Variants in NSD2 observed in about 807,000 individuals in gnomAD.
NSD2 encodes histone-lysine N-methyltransferase NSD2.
Under a neutral mutation model 139.0 loss-of-function variants are expected in NSD2, and 12 were observed. The observed-to-expected ratio is 0.09, with a 90% CI of 0.06 to 0.14. NSD2 has a LOEUF of 0.14. Among genes scored for constraint, NSD2 ranks in the 10% least tolerant of loss-of-function variants. The probability of loss-of-function intolerance (pLI) is 1.00; values close to 1 mark genes in which losing one functional copy is unlikely to be tolerated. For missense variants in NSD2, 1,155 were observed against 1,745.0 expected, an observed-to-expected ratio of 0.66 and a Z score of 6.02; for synonymous variants, 669 against 648.7, an observed-to-expected ratio of 1.03 and a Z score of -0.48.
chr4:1,957,090 A>T (rs1577541096), intron 15 of NSD2, among the ~76,000 whole-genome samples: 2 of 152,212 alleles, frequency 1.3e-5, no homozygotes, highest in South Asian at 2.1e-4. Context: ...CTGTAGAGCC[A>T]GAAACCTTTG....
At chr4:1,941,967 T>C (rs1723147358) in intron 9 of NSD2, 1 of 1,086,022 alleles carries the variant, frequency 9.2e-7, no homozygotes, top group Non-Finnish European at 1.1e-6. Context: ...TAGGTGACCA[T>C]GAGAATTGCT....
At chr4:1,904,069 TATC>T (rs1717567422) in intron 2 of NSD2, 144 bp from the exon 3 acceptor site, 1 of 870,934 alleles carries the variant, frequency 1.1e-6, no homozygotes. Flanking sequence ...ATGTTGAGGC[TATC>T]ATCTAAAACA....
chr4:1,938,244 G>A (rs1204706521), intron 7 of NSD2, among the ~76,000 whole-genome samples: 1 of 152,134 alleles, frequency 6.6e-6, no homozygotes. Flanking sequence ...TCTGAGATTG[G>A]GCAACCATGG....
At position 1,898,699 on chromosome 4, in the gene NSD2, T is replaced by C. The variant is rs1378360342; in HGVS notation, c.-29-1927T>C. On this transcript the variant is annotated intron_variant, in intron 1 of 21. Coordinates refer to ENST00000508803, the MANE Select transcript of NSD2 (RefSeq NM_001042424.3). ...AAAAACAAAAAACACACTTTTTTTT[T>C]TTTTTTTGTCCAGCAGCTGGAATCT... Among the ~76,000 whole-genome samples, 4 of 150,230 alleles carry C rather than the reference T, an allele frequency of 2.7e-5. No individual in the cohort carries two copies. In the East Asian group the frequency reaches 7.7e-4, roughly 29 times the overall value.
At chr4:1,952,612 G>A (rs111497414) in intron 11 of NSD2, 24 of 772,516 alleles carry the variant, frequency 3.1e-5, no homozygotes, top group African/African-American at 5.5e-5. Flanking sequence ...GTTGGTCACC[G>A]AACACTGAAG....
chr4:1,898,671 A>C (rs1226819830), intron 1 of NSD2, among the ~76,000 whole-genome samples: 2 of 146,482 alleles, frequency 1.4e-5, no homozygotes, highest in Non-Finnish European at 1.5e-5. Flanking sequence ...AAAAAAAAAA[A>C]CAAAAAACAA....
chr4:1,966,756 T>A (rs915493188), intron 18 of NSD2, among the ~76,000 whole-genome samples: 5 of 152,154 alleles, frequency 3.3e-5, no homozygotes, highest in African/African-American at 4.8e-5. Flanking sequence ...TTGTTTTCTA[T>A]ATAATTTAAG....
rs548406849 is a variant in NSD2, at chr4:1,974,651, C to G, written c.3373-212C>G. On this transcript the variant is annotated intron_variant, in intron 18 of 21. Coordinates refer to ENST00000508803, the MANE Select transcript of NSD2 (RefSeq NM_001042424.3). This position sits in a 1 kb window ranked among gnomAD's most constrained non-coding sequence, Gnocchi z 4.0. Reference sequence around the variant, plus strand: ...GTCCTCCCCGGCGCTCACTAAGGCTCGGTCCTCTCCACGTGGTCCTGACCT... The same window carrying G: ...GTCCTCCCCGGCGCTCACTAAGGCTGGGTCCTCTCCACGTGGTCCTGACCT... 5.3e-6 allele frequency: 4 copies of G among 759,100 alleles called. No homozygotes were observed. The highest frequency in any genetic ancestry group is 9.5e-6 in the Non-Finnish European group (4 of 423,064). The allele number at this position is 759,100 out of a possible 1,614,324, so 47.0% of individuals were successfully genotyped here.
chr4:1,938,421 T>TC, intron 7 of NSD2, 30 bp from the exon 8 acceptor site: 4 of 1,060,046 alleles, frequency 3.8e-6, no homozygotes, highest in African/African-American at 1.8e-5. Context: ...TCTTTCTTTT[T>TC]TTTTTTTTTT....
At position 1,973,453 on chromosome 4, in the gene NSD2, C is replaced by T. The variant is rs755899508; in HGVS notation, c.3373-1410C>T. On this transcript the variant is annotated intron_variant, in intron 18 of 21. Transcript: ENST00000508803. This position sits in a 1 kb window ranked among gnomAD's most constrained non-coding sequence, Gnocchi z 5.5. Reference sequence around the variant, plus strand: ...CATGCCAACGTGCACATCAGCACCGCGGCTCAGCGCGTCATGACAAAGCAT... The same window carrying T: ...CATGCCAACGTGCACATCAGCACCGTGGCTCAGCGCGTCATGACAAAGCAT... 2.0e-5 allele frequency among the ~76,000 whole-genome samples: 3 copies of T among 152,256 alleles called. No individual in the cohort carries two copies. The highest frequency in any genetic ancestry group is 2.1e-4 in the South Asian group (1 of 4,838).
In NSD2 at chr4:1,948,814, C is replaced by T. The variant is rs1378820155; in HGVS notation, c.1882-2258C>T. The T allele has an allele frequency of 9.7e-7, 1 of 1,029,992 alleles. No individual in the cohort carries two copies. Among genetic ancestry groups the T allele is most frequent in the Non-Finnish European group, 1.2e-6 (1 of 855,952 alleles). The allele number at this position is 1,029,992 out of a possible 1,614,324, so 63.8% of individuals were successfully genotyped here. ...CTGAAATAAAAGGTGCTGTTCCTTC[C>T]TCTGACCCAGGACTGCTTTGTGTTT... is the stretch of plus-strand genomic sequence containing the variant. On this transcript the variant is annotated intron_variant, in intron 9 of 21. Coordinates refer to ENST00000508803, the MANE Select transcript of NSD2 (RefSeq NM_001042424.3). This position sits in a 1 kb window ranked among gnomAD's most constrained non-coding sequence, Gnocchi z 4.5.
chr4:1,978,822 G>A lies in NSD2; in HGVS notation c.4011G>A (p.Lys1337=), dbSNP rs369307480. 2 of 1,608,572 alleles carry A rather than the reference G, an allele frequency of 1.2e-6. No homozygotes were observed. Among genetic ancestry groups the A allele is most frequent in the African/African-American group, 2.7e-5 (2 of 74,978 alleles). Residue 1337 remains lysine (K), a synonymous_variant, in exon 22 of 22, where the codon AAG becomes AAA. Coordinates refer to ENST00000508803, the MANE Select transcript of NSD2 (RefSeq NM_001042424.3). ...GGGCGGCATCGGTCAGAAGCACCAAGACTGAGAAGCCCCCCCCAGAGCCAG... is the reference window on the plus strand; with the variant it reads ...GGGCGGCATCGGTCAGAAGCACCAAAACTGAGAAGCCCCCCCCAGAGCCAG... ...DLGAASVRST[K]TEKPPPEPGK... is the part of the protein sequence containing the mutation.
In NSD2 at chr4:1,976,352, C is replaced by T; in HGVS notation, c.3622-123C>T. ...CACGAGGAGGACACTCCTCTCCTCT[C>T]CTCTTAGTGTTGGGCACCTGCAGAG... On this transcript the variant is annotated intron_variant, in intron 20 of 21. Transcript: ENST00000508803. This position sits in a 1 kb window ranked among gnomAD's most constrained non-coding sequence, Gnocchi z 5.3. The T allele has an allele frequency of 9.5e-7, 1 of 1,051,474 alleles. No individual in the cohort carries two copies. The allele number at this position is 1,051,474 out of a possible 1,614,324, so 65.1% of individuals were successfully genotyped here.
At chr4:1,933,542 A>G (rs1577479047) in intron 6 of NSD2, among the ~76,000 whole-genome samples, 1 of 150,664 alleles carries the variant, frequency 6.6e-6, no homozygotes, top group African/African-American at 2.4e-5. Context: ...GGCGCCCGCC[A>G]CCATGACCAG....
chr4:1,934,878 A>AATATATATATATATATATATAT (rs1161633448), intron 6 of NSD2, among the ~76,000 whole-genome samples: 8 of 22,046 alleles, frequency 3.6e-4, no homozygotes, highest in Admixed American at 8.4e-4. Flanking sequence ...AAAAAAAAAA[A>AATATATATATATATATATATAT]ATATATATAT....
chr4:1,966,046 A>ATGTATTCGAAG (rs57356953), intron 18 of NSD2, among the ~76,000 whole-genome samples: 14,382 of 152,182 alleles, frequency 0.095, 2,076 homozygotes, highest in African/African-American at 0.32. Context: ...CAGTGGGCCA[A>ATGTATTCGAAG]TGCTAAAAGA....
At chr4:1,890,120 T>C (rs1322469973) in intron 1 of NSD2, among the ~76,000 whole-genome samples, 3 of 152,226 alleles carry the variant, frequency 2.0e-5, no homozygotes, top group African/African-American at 7.2e-5. Flanking sequence ...CTTAGCATCA[T>C]GTTTATCTAT....
intron 1 of NSD2, among the ~76,000 whole-genome samples, chr4:1,882,336 CTG>C (rs1186053598): frequency 6.6e-6 from 1 of 152,184 alleles, no homozygotes; most frequent in African/African-American, 2.4e-5. Context: ...TTGTTTCTGA[CTG>C]TGGAAACAAA....
Position 1,978,788 on chromosome 4 carries a change from A to G in NSD2, c.3977A>G (p.His1326Arg). ...GACGGGCGGTCCTACTGCTGTGAGC[A>G]TGACTTAGGGGCGGCATCGGTCAGA... ...TPDGRSYCCE[H>R]DLGAASVRST... is the part of the protein sequence containing the mutation. The change falls in exon 22 of 22, where the codon CAT (histidine) becomes CGT (arginine). Residue 1326 changes from histidine (H) to arginine (R), a missense_variant. By Grantham distance (29) the His-to-Arg change is conservative (BLOSUM62 0). Around this residue, in one of 8 missense-constraint regions of NSD2, gnomAD observed 132 missense variants for 94.3 expected, o/e 1.40. Transcript: ENST00000508803. 1 of 1,613,650 alleles carries G rather than the reference A, an allele frequency of 6.2e-7. No homozygotes were observed. The highest frequency in any genetic ancestry group is 8.5e-7 in the Non-Finnish European group (1 of 1,179,666).
Sources: gnomAD v4.1 joint callset for allele counts (sites outside exome capture counted in the v4.1 genomes callset) on GRCh38, gnomAD v4.1.1 for gene constraint, gnomAD v4.1.1 regional missense constraint, Gnocchi (gnomAD v3.1) non-coding constraint, MANE v1.5 for transcripts, NCBI Gene and HGNC (gene_info 2026-07-23, HGNC 2026-07-21) for gene names.